Variants in ATP7B observed in about 807,000 individuals in gnomAD.
ATP7B encodes ATPase copper transporting beta.
ATP7B carries 113 observed loss-of-function variants against 118.9 expected under a neutral mutation model. The observed-to-expected ratio is 0.95, with a 90% confidence interval of 0.82 to 1.11. ATP7B has a LOEUF of 1.11. Ranked by LOEUF, ATP7B falls within the 50% of genes most tolerant of loss-of-function variation. The pLI is 0.00. For synonymous variants in ATP7B, 777 were observed against 727.4 expected (o/e 1.07, Z -1.10); for missense variants, 1,867 against 1,871.4 (o/e 1.00, Z 0.04).
chr13:52,003,818 C>T (rs1458943679), intron 1 of ATP7B, among the ~76,000 whole-genome samples: 2 of 152,206 alleles, frequency 1.3e-5, no homozygotes, highest in African/African-American at 4.8e-5. Flanking sequence ...GGCCTGGTGT[C>T]ACCAGAGCTT....
intron 9 of ATP7B, among the ~76,000 whole-genome samples, chr13:51,950,820 C>T (rs183045910): frequency 1.4e-4 from 21 of 152,110 alleles, no homozygotes; most frequent in Middle Eastern, 3.4e-3. Context: ...CCAAGAAGGT[C>T]CAACACACAC....
At chr13:51,987,714 G>T (rs1952724039) in intron 1 of ATP7B, among the ~76,000 whole-genome samples, 1 of 152,114 alleles carries the variant, frequency 6.6e-6, no homozygotes, top group African/African-American at 2.4e-5. Flanking sequence ...CCAAAACAGA[G>T]ATATAGACCA....
rs1249740356 is a variant in ATP7B at position 51,942,403 on chromosome 13, C to T, written c.3395G>A (p.Ser1132Asn). 1 of 1,614,172 alleles carries T rather than the reference C, an allele frequency of 6.2e-7. No homozygotes were observed. The change falls in exon 15 of 21, where the codon AGC (serine) becomes AAC (asparagine). Residue 1132 changes from serine (S) to asparagine (N), a missense_variant. Physicochemically the swap from Ser to Asn is conservative, Grantham distance 46. Transcript: ENST00000242839. The part of the protein sequence containing the change: ...APASHLNEAG[S>N]LPAEKDAVPQ... ...AGCAATACCTTTTTCTGCGGGAAGGCTGCCAGCCTCATTCAGGTGACTGGC... is the reference window on the plus strand; with the variant it reads ...AGCAATACCTTTTTCTGCGGGAAGGTTGCCAGCCTCATTCAGGTGACTGGC...
intron 1 of ATP7B, among the ~76,000 whole-genome samples, chr13:51,993,423 AATGGTGGC>A (rs1953032206): frequency 1.3e-5 from 2 of 152,014 alleles, no homozygotes; most frequent in Non-Finnish European, 2.9e-5. Context: ...AGAAACTGGA[AATGGTGGC>A]ATGCACCTGT....
In ATP7B at chr13:51,968,570, C is replaced by G; in HGVS notation, c.1581G>C (p.Lys527Asn). ...CCTCTGGGTCATACTTGATCTCTGCCTTTCCTGCCATCAAGGCAACCAACA... is the reference window on the plus strand; with the variant it reads ...CCTCTGGGTCATACTTGATCTCTGCGTTTCCTGCCATCAAGGCAACCAACA... The part of the protein sequence containing the change: ...LSVLVALMAG[K>N]AEIKYDPEVI... The change falls in exon 4 of 21, where the codon AAG becomes AAC. Residue 527 changes from lysine to asparagine, a missense_variant. By Grantham distance (94) the Lys-to-Asn change is moderately conservative. Transcript: ENST00000242839. 1 of 1,614,158 alleles carries G rather than the reference C, an allele frequency of 6.2e-7. No homozygotes were observed. Among genetic ancestry groups the G allele is most frequent in the Non-Finnish European group, 8.5e-7 (1 of 1,180,042 alleles).
At chr13:51,997,898 C>T (rs183979430) in intron 1 of ATP7B, among the ~76,000 whole-genome samples, 13 of 152,202 alleles carry the variant, frequency 8.5e-5, no homozygotes, top group Admixed American at 3.3e-4. Flanking sequence ...GGGAAGAAGG[C>T]AAGTCTGGGG....
upstream of ATP7B, chr13:52,011,540 G>A (rs1428691192): frequency 1.2e-5 from 8 of 672,612 alleles, no homozygotes; most frequent in Non-Finnish European, 1.9e-5. Flanking sequence ...CTCTTCACAC[G>A]GATGATTCAA....
chr13:51,940,669 TAATA>T (rs1302021631), intron 16 of ATP7B, among the ~76,000 whole-genome samples: 2 of 151,756 alleles, frequency 1.3e-5, no homozygotes, highest in African/African-American at 2.4e-5. Flanking sequence ...AAGAAAGTAA[TAATA>T]AATAAATAAA....
chr13:51,966,848 G>T lies in ATP7B; in HGVS notation c.1707+1596C>A, dbSNP rs972990508. 16 of 1,613,052 alleles carry T rather than the reference G, an allele frequency of 9.9e-6. No individual in the cohort carries two copies. In the African/African-American group the frequency reaches 1.9e-4, roughly 19 times the overall value. ...GTGGGAATAGCTTTGCAAAAAATGG[G>T]CGCAATGGCCAAGCCAGATTGTATC... is the stretch of plus-strand genomic sequence containing the variant. On this transcript the variant is annotated intron_variant, in intron 4 of 20. Coordinates refer to ENST00000242839, the MANE Select transcript of ATP7B (RefSeq NM_000053.4).
chr13:51,954,496 G>A (rs1958211872), intron 9 of ATP7B, among the ~76,000 whole-genome samples: 1 of 152,284 alleles, frequency 6.6e-6, no homozygotes, highest in Non-Finnish European at 1.5e-5. Context: ...GCTGCAAGCA[G>A]TATGAAGAGA....
At chr13:51,955,303 C>T (rs888313451) in intron 9 of ATP7B, among the ~76,000 whole-genome samples, 8 of 152,152 alleles carry the variant, frequency 5.3e-5, no homozygotes, top group African/African-American at 1.9e-4. Flanking sequence ...GCCTAGACTG[C>T]GGCAATCCAG....
chr13:51,966,677 C>T, intron 4 of ATP7B: 2 of 1,326,330 alleles, frequency 1.5e-6, no homozygotes, highest in South Asian at 2.5e-5. Flanking sequence ...AAGAACACTA[C>T]AGACACAGCA....
chr13:52,011,910 C>T (rs775007063), upstream of ATP7B: 17 of 267,012 alleles, frequency 6.4e-5, no homozygotes, highest in Non-Finnish European at 9.5e-5. Flanking sequence ...AGGTGCCCGG[C>T]GGCGCCGCGT....
chr13:51,992,979 CAAAAAAAAAA>C (rs58319382), intron 1 of ATP7B, among the ~76,000 whole-genome samples: 13 of 62,932 alleles, frequency 2.1e-4, no homozygotes, highest in Non-Finnish European at 3.2e-4. Context: ...GACTCTGTCT[CAAAAAAAAAA>C]AAAAAAAAAA....
At chr13:51,964,694 T>A in intron 5 of ATP7B, 178 bp downstream of exon 5, 1 of 668,420 alleles carries the variant, frequency 1.5e-6, no homozygotes, top group South Asian at 2.0e-5. Flanking sequence ...TCCCTCAGAT[T>A]ATTTATTATT....
intron 1 of ATP7B, among the ~76,000 whole-genome samples, chr13:52,006,831 A>C (rs1002558223): frequency 6.6e-6 from 1 of 152,064 alleles, no homozygotes; most frequent in East Asian, 1.9e-4. Context: ...TGTGTGCCCA[A>C]TCAATGCCTG....
At chr13:52,011,924 G>T (rs1314776669), upstream of ATP7B, 1 of 275,812 alleles carries the variant, frequency 3.6e-6, no homozygotes, top group Admixed American at 5.1e-5. Context: ...GCCGCGTCGG[G>T]TCCGCTCTGC....
At chr13:51,960,840 G>T (rs547410924) in intron 6 of ATP7B, among the ~76,000 whole-genome samples, 20 of 152,214 alleles carry the variant, frequency 1.3e-4, no homozygotes, top group Non-Finnish European at 7.4e-5. Flanking sequence ...GTTTGGAATC[G>T]GGGGTCATGG....
intron 20 of ATP7B, 97 bp downstream of exon 20, chr13:51,935,496 G>C (rs1956904550): frequency 1.2e-5 from 15 of 1,300,010 alleles, no homozygotes; most frequent in Non-Finnish European, 1.6e-5. Context: ...CCAGGTGAAT[G>C]AATGGGAAAT....
Sources: allele counts gnomAD v4.1 joint callset (sites outside exome capture counted in the v4.1 genomes callset), GRCh38; gene constraint gnomAD v4.1.1; transcripts MANE v1.5; gene names NCBI Gene and HGNC (gene_info 2026-07-23, HGNC 2026-07-21).